DCAF8L2: variants seen among roughly 807,000 people sequenced by gnomAD.
DCAF8L2 encodes DDB1- and CUL4-associated factor 8-like protein 2.
For synonymous variants in DCAF8L2, 200 were observed against 190.9 expected, an observed-to-expected ratio of 1.05 and a Z score of -0.39; for missense variants, 430 against 490.7, an observed-to-expected ratio of 0.88 and a Z score of 1.17.
chrX:27,698,263 T>C (rs1302952648), intron 3 of DCAF8L2, among the ~76,000 whole-genome samples: 1 of 111,614 alleles, frequency 9.0e-6, no homozygotes, highest in African/African-American at 3.3e-5. Context: ...GAAGGCACTA[T>C]TGTTTGTTGA....
upstream of DCAF8L2, among the ~76,000 whole-genome samples, chrX:27,587,975 T>TAAAA (rs531576238): frequency 2.2e-3 from 55 of 25,481 alleles, no homozygotes; most frequent in African/African-American, 2.6e-3. Context: ...GTACTTCCAT[T>TAAAA]AAAAAAAAAA....
At chrX:27,556,587 A>C in the DCAF8L2 span, among the ~76,000 whole-genome samples, 1 of 112,035 alleles carries the variant, frequency 8.9e-6, no homozygotes, top group Non-Finnish European at 1.9e-5. Context: ...CTGTGATGTG[A>C]TGAAACATCC....
At chrX:27,541,985 C>A in the DCAF8L2 span, among the ~76,000 whole-genome samples, 2 of 111,671 alleles carry the variant, frequency 1.8e-5, no homozygotes, top group African/African-American at 3.3e-5. Context: ...TTAGGATAAC[C>A]GCCTCCAGCT....
chrX:27,626,423 A>C, intron 1 of DCAF8L2, among the ~76,000 whole-genome samples: 1 of 111,965 alleles, frequency 8.9e-6, no homozygotes, highest in African/African-American at 3.2e-5. Context: ...CTGGGAATGT[A>C]GTTTGCAGGA....
the DCAF8L2 span, among the ~76,000 whole-genome samples, chrX:27,549,754 G>A: frequency 1.8e-5 from 2 of 111,190 alleles, no homozygotes; most frequent in Non-Finnish European, 3.8e-5. Flanking sequence ...GTCATAAACC[G>A]CTCAAATTCT....
At chrX:27,677,655 G>A (rs894237633) in intron 2 of DCAF8L2, among the ~76,000 whole-genome samples, 181 bp from the exon 3 acceptor site, 1 of 111,859 alleles carries the variant, frequency 8.9e-6, no homozygotes, top group Non-Finnish European at 1.9e-5. Flanking sequence ...AGTGGAAAAA[G>A]TGGAGGCCAG....
intron 1 of DCAF8L2, among the ~76,000 whole-genome samples, chrX:27,615,712 C>T (rs1177775012): frequency 1.8e-5 from 2 of 110,943 alleles, no homozygotes; most frequent in African/African-American, 6.5e-5. Flanking sequence ...TAAGCTTTTT[C>T]TAATTAACTC....
intron 1 of DCAF8L2, among the ~76,000 whole-genome samples, chrX:27,591,693 A>G (rs1380934104): frequency 1.8e-5 from 2 of 112,013 alleles, no homozygotes; most frequent in Non-Finnish European, 3.8e-5. Flanking sequence ...TTCTCTGCAT[A>G]CAGGTAAAAA....
At chrX:27,697,728 C>T (rs966445389) in intron 3 of DCAF8L2, among the ~76,000 whole-genome samples, 7 of 110,887 alleles carry the variant, frequency 6.3e-5, no homozygotes, top group Admixed American at 4.8e-4. Flanking sequence ...ACTTTGTAGA[C>T]TAGAATGAAT....
chrX:27,620,612 A>G (rs1927711432), intron 1 of DCAF8L2, among the ~76,000 whole-genome samples: 2 of 112,099 alleles, frequency 1.8e-5, no homozygotes, highest in Admixed American at 1.9e-4. Flanking sequence ...TAAAACTACA[A>G]TGATGTAATA....
intron 3 of DCAF8L2, among the ~76,000 whole-genome samples, chrX:27,695,705 G>A (rs993008184): frequency 4.5e-5 from 5 of 111,197 alleles, no homozygotes; most frequent in African/African-American, 1.3e-4. Flanking sequence ...TAACCAACAC[G>A]TGTGTCCTGA....
chrX:27,739,119 T>C (rs1159945292), intron 4 of DCAF8L2, among the ~76,000 whole-genome samples: 6 of 111,315 alleles, frequency 5.4e-5, no homozygotes, highest in African/African-American at 2.0e-4. Flanking sequence ...AAAAAATCTA[T>C]TGACCCCATT....
intron 3 of DCAF8L2, among the ~76,000 whole-genome samples, chrX:27,715,366 C>CAAAAA: frequency 1.8e-5 from 1 of 57,005 alleles, no homozygotes; most frequent in Non-Finnish European, 3.2e-5. Context: ...GACTCCGTCT[C>CAAAAA]AAAAAAAAAA....
At chrX:27,585,758 A>T (rs1161289882), upstream of DCAF8L2, among the ~76,000 whole-genome samples, 1 of 111,272 alleles carries the variant, frequency 9.0e-6, no homozygotes, top group East Asian at 2.9e-4. Context: ...GCAGGGTCTC[A>T]TTATCACTCT....
chrX:27,482,813 T>G, the DCAF8L2 span, among the ~76,000 whole-genome samples: 1 of 111,880 alleles, frequency 8.9e-6, no homozygotes. Flanking sequence ...CTTTCCTTTA[T>G]GTCAAAAGCA....
intron 3 of DCAF8L2, among the ~76,000 whole-genome samples, chrX:27,715,887 T>C (rs932635725): frequency 8.9e-6 from 1 of 112,362 alleles, no homozygotes; most frequent in Non-Finnish European, 1.9e-5. Context: ...TAAATATTTT[T>C]GCTTTTCTAT....
chrX:27,639,350 A>G (rs1214448801), intron 2 of DCAF8L2, among the ~76,000 whole-genome samples: 1 of 111,786 alleles, frequency 8.9e-6, no homozygotes, highest in Admixed American at 9.5e-5. Flanking sequence ...AAGTAGAAAG[A>G]ATGAATGAGA....
At chrX:27,503,387 T>C in the DCAF8L2 span, among the ~76,000 whole-genome samples, 1 of 111,472 alleles carries the variant, frequency 9.0e-6, no homozygotes, top group East Asian at 2.8e-4. Flanking sequence ...CTCTAGGTCA[T>C]AAATTTTTTT....
chrX:27,497,893 T>C, the DCAF8L2 span, among the ~76,000 whole-genome samples: 1 of 112,265 alleles, frequency 8.9e-6, no homozygotes, highest in Non-Finnish European at 1.9e-5. Context: ...ATGAATTTGA[T>C]TCATGTAAGT....
Sources: allele counts gnomAD v4.1 joint callset (sites outside exome capture counted in the v4.1 genomes callset), GRCh38; gene constraint gnomAD v4.1.1; transcripts MANE v1.5; gene names NCBI Gene and HGNC (gene_info 2026-07-23, HGNC 2026-07-21).